Variants in GRM5 observed in about 807,000 individuals in gnomAD.
GRM5 encodes glutamate metabotropic receptor 5.
In GRM5, 19 loss-of-function variants were observed where a neutral mutation model predicts 83.1. That is an observed-to-expected ratio of 0.23 (90% CI 0.16 to 0.34). The LOEUF (loss-of-function observed/expected upper bound fraction) is 0.34, where lower values mean the gene tolerates loss of function less well. Ranked by LOEUF, GRM5 falls within the 10% of genes least tolerant of loss-of-function variation. The probability of loss-of-function intolerance (pLI) is 1.00; values close to 1 mark genes in which losing one functional copy is unlikely to be tolerated. For synonymous variants in GRM5, 675 were observed against 633.6 expected, an observed-to-expected ratio of 1.07 and a Z score of -0.98; for missense variants, 1,160 against 1,588.3, an observed-to-expected ratio of 0.73 and a Z score of 4.58.
intron 2 of GRM5, among the ~76,000 whole-genome samples, chr11:89,021,727 ACT>A (rs1489736029): frequency 1.3e-5 from 2 of 151,966 alleles, no homozygotes; most frequent in Non-Finnish European, 2.9e-5. Context: ...TAAACTCTAG[ACT>A]CTATATTTTT....
chr11:88,707,284 G>A lies in GRM5; in HGVS notation c.912-53881C>T, dbSNP rs1166021051. ...TAAGTTAATATCTAAAAATACTTAG[G>A]TCAGTGCCTGGGATTTGGTAGGTTC... On this transcript the variant is annotated intron_variant, in intron 3 of 9. Transcript: ENST00000305447. 2.6e-5 allele frequency among the ~76,000 whole-genome samples: 4 copies of A among 152,114 alleles called. No homozygotes were observed. In the South Asian group the frequency reaches 8.3e-4, roughly 32 times the overall value.
intron 3 of GRM5, among the ~76,000 whole-genome samples, chr11:88,660,459 T>C (rs1410466882): frequency 6.6e-6 from 1 of 152,176 alleles, no homozygotes; most frequent in African/African-American, 2.4e-5. Context: ...ATACTACAAC[T>C]CCATGGAGAT....
At chr11:88,798,643 T>C (rs1029247737) in intron 3 of GRM5, among the ~76,000 whole-genome samples, 2 of 151,670 alleles carry the variant, frequency 1.3e-5, no homozygotes, top group African/African-American at 4.8e-5. Context: ...AAAATAAATA[T>C]GTATGTTTTT....
intron 2 of GRM5, among the ~76,000 whole-genome samples, chr11:88,899,850 T>C (rs965031977): frequency 6.6e-5 from 10 of 152,226 alleles, no homozygotes; most frequent in Admixed American, 3.9e-4. Context: ...TAAATTTATA[T>C]GCAATTTTGG....
intron 2 of GRM5, among the ~76,000 whole-genome samples, chr11:88,874,819 C>T (rs1944823655): frequency 6.6e-6 from 1 of 151,976 alleles, no homozygotes; most frequent in South Asian, 2.1e-4. Flanking sequence ...TTTTCCAGTG[C>T]ATATAAAAGT....
rs760329882 is a variant in GRM5, at chr11:89,047,642, T to C, written c.231A>G (p.Glu77=). The change falls in exon 2 of 10, where the codon GAA becomes GAG. Residue 77 remains glutamate, a synonymous_variant. Coordinates refer to ENST00000305447, the MANE Select transcript of GRM5 (RefSeq NM_001143831.3). The surrounding 1 kb of genome is among the most constrained non-coding windows in gnomAD (Gnocchi z 5.1). ...AGAGTGTGGGGTCTGAATTGATCCTTTCCAGGGTATGCAGCATGGCCTCCA... is the reference window on the plus strand; with the variant it reads ...AGAGTGTGGGGTCTGAATTGATCCTCTCCAGGGTATGCAGCATGGCCTCCA... ...QRVEAMLHTL[E]RINSDPTLLP... 5.6e-6 allele frequency: 9 copies of C among 1,614,094 alleles called. No homozygotes were observed. In the Middle Eastern group the frequency reaches 6.6e-4, roughly 118 times the overall value.
At chr11:88,582,519 T>G (rs2135195466) in intron 7 of GRM5, among the ~76,000 whole-genome samples, 1 of 152,328 alleles carries the variant, frequency 6.6e-6, no homozygotes, top group African/African-American at 2.4e-5. Flanking sequence ...TTCAGATTAC[T>G]ATCTAACCTA....
intron 3 of GRM5, among the ~76,000 whole-genome samples, chr11:88,658,704 A>C (rs991455065): frequency 1.3e-5 from 2 of 152,178 alleles, no homozygotes; most frequent in Admixed American, 6.5e-5. Flanking sequence ...AAAAGTATGG[A>C]TAATAGAGTG....
chr11:88,726,517 CA>C (rs1941685002), intron 3 of GRM5, among the ~76,000 whole-genome samples: 1 of 152,142 alleles, frequency 6.6e-6, no homozygotes, highest in South Asian at 2.1e-4. Context: ...GGCCAACATT[CA>C]AATTCAGAAA....
intron 3 of GRM5, among the ~76,000 whole-genome samples, chr11:88,810,235 T>C (rs1943565769): frequency 6.6e-6 from 1 of 151,964 alleles, no homozygotes; most frequent in Non-Finnish European, 1.5e-5. Flanking sequence ...AACACTGAGA[T>C]CCATAAAAGC....
intron 8 of GRM5, among the ~76,000 whole-genome samples, chr11:88,539,998 C>A (rs2135129689): frequency 6.6e-6 from 1 of 152,302 alleles, no homozygotes; most frequent in African/African-American, 2.4e-5. Context: ...CACGTCTGTT[C>A]TTTTAACAAG....
At chr11:88,873,828 C>A (rs1209356522) in intron 2 of GRM5, among the ~76,000 whole-genome samples, 1 of 151,530 alleles carries the variant, frequency 6.6e-6, no homozygotes, top group African/African-American at 2.4e-5. Context: ...ACAAAATAAA[C>A]CCCAAACTAG....
chr11:88,714,099 T>TTTGA (rs1426349146), intron 3 of GRM5, among the ~76,000 whole-genome samples: 32 of 152,158 alleles, frequency 2.1e-4, no homozygotes, highest in African/African-American at 7.5e-4. Context: ...TCAATTCTAA[T>TTTGA]TTGATATATA....
intron 3 of GRM5, among the ~76,000 whole-genome samples, chr11:88,829,902 A>T (rs145535572): frequency 6.6e-5 from 10 of 152,264 alleles, no homozygotes; most frequent in African/African-American, 1.9e-4. Flanking sequence ...ACCAAAGTAT[A>T]TATTGAGGGG....
At chr11:88,962,465 C>T (rs905093266) in intron 2 of GRM5, among the ~76,000 whole-genome samples, 1 of 152,028 alleles carries the variant, frequency 6.6e-6, no homozygotes, top group African/African-American at 2.4e-5. Context: ...CTAACTCATC[C>T]ATTTATTCCC....
chr11:88,550,744 A>G (rs2135146286), intron 8 of GRM5, among the ~76,000 whole-genome samples: 1 of 152,326 alleles, frequency 6.6e-6, no homozygotes, highest in Admixed American at 6.5e-5. Context: ...TCCTAACTGA[A>G]ATCAAGTTGT....
At chr11:88,774,179 GTT>G (rs1942798990) in intron 3 of GRM5, among the ~76,000 whole-genome samples, 1 of 152,144 alleles carries the variant, frequency 6.6e-6, no homozygotes, top group African/African-American at 2.4e-5. Flanking sequence ...TCCCTTGTAA[GTT>G]GGATTCCTAG....
intron 3 of GRM5, among the ~76,000 whole-genome samples, chr11:88,773,060 C>T (rs1281643361): frequency 6.6e-6 from 1 of 152,148 alleles, no homozygotes; most frequent in Non-Finnish European, 1.5e-5. Context: ...ATTTACACTC[C>T]CACCAACAGT....
At chr11:88,688,405 A>G (rs557089321) in intron 3 of GRM5, among the ~76,000 whole-genome samples, 2 of 152,282 alleles carry the variant, frequency 1.3e-5, no homozygotes, top group Middle Eastern at 3.4e-3. Flanking sequence ...AAGAAAACTA[A>G]TTTTCTGATG....
Sources: gnomAD v4.1 joint callset for allele counts (sites outside exome capture counted in the v4.1 genomes callset) on GRCh38, gnomAD v4.1.1 for gene constraint, Gnocchi (gnomAD v3.1) non-coding constraint, MANE v1.5 for transcripts, NCBI Gene and HGNC (gene_info 2026-07-23, HGNC 2026-07-21) for gene names.